The following TRPC1 variants were observed in gnomAD, a reference collection of about 807,000 sequenced individuals.
TRPC1 encodes the protein transient receptor potential cation channel subfamily C member 1, also known as short transient receptor potential channel 1.
In TRPC1, 42 loss-of-function variants were observed where a neutral mutation model predicts 88.2. The observed-to-expected ratio is 0.48, with a 90% CI of 0.37 to 0.62. TRPC1 has a LOEUF of 0.62. Ranked by LOEUF, TRPC1 falls within the 20% of genes least tolerant of loss-of-function variation. The probability of loss-of-function intolerance (pLI) is 0.00; values close to 1 mark genes in which losing one functional copy is unlikely to be tolerated. For synonymous variants in TRPC1, 288 were observed against 331.8 expected, an observed-to-expected ratio of 0.87 and a Z score of 1.43; for missense variants, 699 against 957.3, an observed-to-expected ratio of 0.73 and a Z score of 3.56.
intron 1 of TRPC1, among the ~76,000 whole-genome samples, chr3:142,733,678 C>T (rs533887169): frequency 5.9e-5 from 9 of 152,270 alleles, no homozygotes; most frequent in South Asian, 4.1e-4. Flanking sequence ...GCTCTTCCTA[C>T]GTTTCTGTCT....
In TRPC1 at chr3:142,780,366, A is replaced by T. The variant is rs78935594; in HGVS notation, c.765-468A>T. Among the ~76,000 whole-genome samples the T allele has an allele frequency of 2.3e-3, 356 of 152,326 alleles. 1 individual carries two copies. The highest frequency in any genetic ancestry group is 8.3e-3 in the African/African-American group (345 of 41,566). ...TGAATCAAAATGCTATTTTAATATT[A>T]GAAGTAACATAAACATATTGTAGAT... On this transcript the variant is annotated intron_variant, in intron 5 of 12. Coordinates refer to ENST00000476941, the MANE Select transcript of TRPC1 (RefSeq NM_001251845.2).
intron 1 of TRPC1, among the ~76,000 whole-genome samples, chr3:142,728,836 A>G (rs1933786419): frequency 6.6e-6 from 1 of 152,158 alleles, no homozygotes; most frequent in Non-Finnish European, 1.5e-5. Flanking sequence ...GAAGTCTGGT[A>G]TTAGAGAGGA....
intron 2 of TRPC1, among the ~76,000 whole-genome samples, chr3:142,741,764 A>T (rs554526108): frequency 6.6e-6 from 1 of 152,176 alleles, no homozygotes; most frequent in Non-Finnish European, 1.5e-5. Flanking sequence ...ACAGCTCAAT[A>T]TGTTGCTGTT....
rs1560086942 is a variant in TRPC1, at chr3:142,724,447, T to A, written c.-113T>A. Reference sequence around the variant, plus strand: ...AACGGGCCTCGAGCCGAGGCAGCAGTGGGAACGACTCATCCTTTTTCCAGC... The same window carrying A: ...AACGGGCCTCGAGCCGAGGCAGCAGAGGGAACGACTCATCCTTTTTCCAGC... On this transcript the variant is annotated 5_prime_UTR_variant, in exon 1 of 13. Transcript: ENST00000476941. This position sits in a 1 kb window ranked among gnomAD's most constrained non-coding sequence, Gnocchi z 5.6. The A allele has an allele frequency of 1.7e-5, 18 of 1,082,294 alleles. No homozygotes were observed. Among genetic ancestry groups the A allele is most frequent in the Non-Finnish European group, 2.2e-5 (18 of 804,194 alleles). 67.0% of individuals were successfully genotyped at this position (1,082,294 alleles called of 1,614,324 possible).
intron 2 of TRPC1, among the ~76,000 whole-genome samples, chr3:142,739,393 G>GA (rs1934260174): frequency 6.6e-6 from 1 of 152,188 alleles, no homozygotes; most frequent in Non-Finnish European, 1.5e-5. Context: ...TCTGGCTCCA[G>GA]AATCTATGGT....
Position 142,743,496 on chromosome 3 carries a change from A to G in TRPC1, c.339A>G (p.Ala113=). The G allele has an allele frequency of 6.6e-7, 1 of 1,508,174 alleles. No homozygotes were observed. Among genetic ancestry groups the G allele is most frequent in the African/African-American group, 1.4e-5 (1 of 70,788 alleles). The allele number at this position is 1,508,174 out of a possible 1,614,324, so 93.4% of individuals were successfully genotyped here. A position where few individuals can be genotyped will look rare whatever the true frequency, so the allele number is the denominator to read the frequency against. ...LLDYGCQSAD[A]LLVAIDSEVV... is the part of the protein sequence containing the mutation. ...TTTTTTTTTTGAAGTCTGCAGATGC[A>G]CTTTTGGTGGCAATCGACTCTGAAG... Residue 113 remains alanine, a synonymous_variant, in exon 3 of 13, where the codon GCA becomes GCG. Coordinates refer to ENST00000476941, the MANE Select transcript of TRPC1 (RefSeq NM_001251845.2).
intron 1 of TRPC1, among the ~76,000 whole-genome samples, chr3:142,727,594 T>C (rs1463550061): frequency 6.6e-6 from 1 of 152,176 alleles, no homozygotes; most frequent in East Asian, 1.9e-4. Flanking sequence ...GAGGATCATC[T>C]CAGAGGTAAC....
Position 142,726,710 on chromosome 3 carries a change from C to T in TRPC1, c.172+1979C>T, listed in dbSNP as rs71304147. Among the ~76,000 whole-genome samples, 1,402 of 152,196 alleles carry T rather than the reference C, an allele frequency of 9.2e-3. 10 individuals carry two copies. Among genetic ancestry groups the T allele is most frequent in the Admixed American group, 0.016 (247 of 15,282 alleles). On this transcript the variant is annotated intron_variant, in intron 1 of 12. Coordinates refer to ENST00000476941, the MANE Select transcript of TRPC1 (RefSeq NM_001251845.2). ...ATTCTTTTGATTACGTGTTTGTATTCGCTAATATTGTTAGACTTTTTAAAA... is the reference window on the plus strand; with the variant it reads ...ATTCTTTTGATTACGTGTTTGTATTTGCTAATATTGTTAGACTTTTTAAAA...
At position 142,798,257 on chromosome 3, in the gene TRPC1, A is replaced by G. The variant is rs79915499; in HGVS notation, c.1582-3912A>G. 1.1e-3 allele frequency among the ~76,000 whole-genome samples: 164 copies of G among 152,278 alleles called. 4 individuals carry two copies. The East Asian group carries it at 0.025, about 23-fold the overall frequency. ...TTAGAACCAGGACTTGGTGTTAATT[A>G]ACTAAGTTAATTAAGAAACTAAGAA... On this transcript the variant is annotated intron_variant, in intron 9 of 12. Transcript: ENST00000476941.
intron 1 of TRPC1, among the ~76,000 whole-genome samples, chr3:142,733,862 G>A (rs1934026674): frequency 6.6e-6 from 1 of 152,210 alleles, no homozygotes. Flanking sequence ...GAGTTTGTGA[G>A]CTGACACTAT....
intron 4 of TRPC1, among the ~76,000 whole-genome samples, chr3:142,756,102 T>C (rs1934950194): frequency 6.6e-6 from 1 of 152,060 alleles, no homozygotes; most frequent in African/African-American, 2.4e-5. Context: ...TTTTAAAAAT[T>C]GTTGAGCAGT....
intron 10 of TRPC1, among the ~76,000 whole-genome samples, chr3:142,803,284 C>G (rs1343966587): frequency 6.6e-6 from 1 of 152,128 alleles, no homozygotes; most frequent in African/African-American, 2.4e-5. Context: ...AAGAACATTT[C>G]TGGGGGAAGA....
At chr3:142,775,754 T>G (rs1189472210) in intron 4 of TRPC1, among the ~76,000 whole-genome samples, 1 of 152,186 alleles carries the variant, frequency 6.6e-6, no homozygotes, top group African/African-American at 2.4e-5. Context: ...ACAGGCAAGT[T>G]ACAGAGGAAG....
Position 142,724,937 on chromosome 3 carries a change from C to T in TRPC1, c.172+206C>T, listed in dbSNP as rs2107998626. Among the ~76,000 whole-genome samples, 1 of 152,328 alleles carries T rather than the reference C, an allele frequency of 6.6e-6. No homozygotes were observed. Among genetic ancestry groups the T allele is most frequent in the East Asian group, 1.9e-4 (1 of 5,170 alleles). ...CGGGAGAGTGGAGCTGGGGCTGCGCCCTCGGAGCGCTGCACCGTCGGGGGT... is the reference window on the plus strand; with the variant it reads ...CGGGAGAGTGGAGCTGGGGCTGCGCTCTCGGAGCGCTGCACCGTCGGGGGT... On this transcript the variant is annotated intron_variant, in intron 1 of 12. Coordinates refer to ENST00000476941, the MANE Select transcript of TRPC1 (RefSeq NM_001251845.2). The surrounding 1 kb of genome is among the most constrained non-coding windows in gnomAD (Gnocchi z 5.6).
At chr3:142,772,403 A>G (rs1935607662) in intron 4 of TRPC1, among the ~76,000 whole-genome samples, 1 of 151,996 alleles carries the variant, frequency 6.6e-6, no homozygotes, top group Admixed American at 6.6e-5. Context: ...TATATCTTCA[A>G]GTTTGCTAAT....
chr3:142,784,714 A>T lies in TRPC1; in HGVS notation c.971A>T (p.Gln324Leu). The T allele has an allele frequency of 6.2e-7, 1 of 1,609,974 alleles. No individual in the cohort carries two copies. The highest frequency in any genetic ancestry group is 8.5e-7 in the Non-Finnish European group (1 of 1,177,866). ...IKYNQKEFVS[Q>L]SNCQQFLNTV... is the part of the protein sequence containing the mutation. ...GTATGTCCTTTTCAGTTTGTCTCCC[A>T]GTCTAACTGCCAGCAGTTCCTGAAC... The change falls in exon 7 of 13, where the codon CAG becomes CTG. Residue 324 changes from glutamine (Q) to leucine (L), a missense_variant. By Grantham distance (113) the Gln-to-Leu change is moderately radical. Around this residue, in one of 4 missense-constraint regions of TRPC1, gnomAD observed 426 missense variants for 641.3 expected, o/e 0.66. Coordinates refer to ENST00000476941, the MANE Select transcript of TRPC1 (RefSeq NM_001251845.2).
At chr3:142,778,767 G>A (rs746212546) in intron 5 of TRPC1, among the ~76,000 whole-genome samples, 1 of 152,146 alleles carries the variant, frequency 6.6e-6, no homozygotes, top group Non-Finnish European at 1.5e-5. Context: ...TAAGAAACTT[G>A]GAGTTTTCTT....
In TRPC1 at chr3:142,724,515, G is replaced by A. The variant is rs1404673211; in HGVS notation, c.-45G>A. 2.0e-6 allele frequency: 3 copies of A among 1,473,704 alleles called. No individual in the cohort carries two copies. Among genetic ancestry groups the A allele is most frequent in the East Asian group, 2.6e-5 (1 of 38,104 alleles). 91.3% of individuals were successfully genotyped at this position (1,473,704 alleles called of 1,614,324 possible). Reference sequence around the variant, plus strand: ...GTCGGGGTCGGGGTCGGGGCCGGTGGGGGCCCCGCCCCCGTCTCCTGGCCT... The same window carrying A: ...GTCGGGGTCGGGGTCGGGGCCGGTGAGGGCCCCGCCCCCGTCTCCTGGCCT... On this transcript the variant is annotated 5_prime_UTR_variant, in exon 1 of 13. Transcript: ENST00000476941. The surrounding 1 kb of genome is among the most constrained non-coding windows in gnomAD (Gnocchi z 5.6).
rs6440108 is a variant in TRPC1, at chr3:142,776,582, A to C, written c.633-1050A>C. 0.36 allele frequency among the ~76,000 whole-genome samples: 54,427 copies of C among 152,112 alleles called. 13,677 individuals carry two copies. The highest frequency in any genetic ancestry group is 0.72 in the African/African-American group (29,979 of 41,474). On this transcript the variant is annotated intron_variant, in intron 4 of 12. Transcript: ENST00000476941. The surrounding 1 kb of genome is among the most constrained non-coding windows in gnomAD (Gnocchi z 4.1). ...CAAACTCATAACCTGAATGAATGAA[A>C]AATGTATTATATATATTGAGCATAT...
Sources: allele counts gnomAD v4.1 joint callset (sites outside exome capture counted in the v4.1 genomes callset), GRCh38; gene constraint gnomAD v4.1.1; regional missense constraint gnomAD v4.1.1; non-coding constraint Gnocchi (gnomAD v3.1); transcripts MANE v1.5; gene names NCBI Gene and HGNC (gene_info 2026-07-23, HGNC 2026-07-21).